Variants in KLHL1 observed in about 807,000 individuals in gnomAD.
KLHL1 encodes kelch like family member 1.
KLHL1 carries 47 observed loss-of-function variants against 77.7 expected under a neutral mutation model. The observed-to-expected ratio is 0.60, with a 90% CI of 0.48 to 0.77. The LOEUF (loss-of-function observed/expected upper bound fraction) is 0.77. Among genes scored for constraint, KLHL1 ranks in the 30% least tolerant of loss-of-function variants. The probability of loss-of-function intolerance (pLI) is 0.00; values close to 1 mark genes in which losing one functional copy is unlikely to be tolerated. For synonymous variants in KLHL1, 360 were observed against 325.2 expected (o/e 1.11, Z -1.15); for missense variants, 925 against 910.8 (o/e 1.02, Z -0.20).
At chr13:69,864,129 C>G (rs1035099046) in intron 5 of KLHL1, among the ~76,000 whole-genome samples, 1 of 151,838 alleles carries the variant, frequency 6.6e-6, no homozygotes, top group African/African-American at 2.4e-5. Flanking sequence ...TAGCATCTAT[C>G]TCTTACTCCG....
At chr13:70,038,581 AT>A (rs55885952) in intron 1 of KLHL1, among the ~76,000 whole-genome samples, 16,403 of 71,854 alleles carry the variant, frequency 0.23, 735 homozygotes, top group Middle Eastern at 0.32. Context: ...ATTGTCATTA[AT>A]TTTTTTTTTT....
intron 3 of KLHL1, among the ~76,000 whole-genome samples, chr13:69,957,046 CAAT>C: frequency 6.6e-6 from 1 of 151,620 alleles, no homozygotes. Context: ...ATGACGCATG[CAAT>C]AACTCCTGAA....
In KLHL1 at chr13:69,809,784, T is replaced by C. The variant is rs188634586; in HGVS notation, c.1415-12822A>G. Among the ~76,000 whole-genome samples the C allele has an allele frequency of 1.5e-3, 233 of 151,816 alleles. 1 individual carries two copies. Among genetic ancestry groups the C allele is most frequent in the Admixed American group, 0.014 (209 of 15,220 alleles). ...TTAAAAAAACAAATAACAAGACCCA[T>C]CCTTCCACTGTCTTCCAGAGACCCA... On this transcript the variant is annotated intron_variant, in intron 6 of 10. Coordinates refer to ENST00000377844, the MANE Select transcript of KLHL1 (RefSeq NM_020866.3).
At chr13:69,977,164 A>G (rs556232759) in intron 1 of KLHL1, among the ~76,000 whole-genome samples, 1 of 152,228 alleles carries the variant, frequency 6.6e-6, no homozygotes, top group South Asian at 2.1e-4. Context: ...AAAGGAAAAA[A>G]ATAGTAGGTT....
At chr13:70,083,060 G>T (rs1401771845) in intron 1 of KLHL1, among the ~76,000 whole-genome samples, 1 of 151,870 alleles carries the variant, frequency 6.6e-6, no homozygotes. Context: ...AAATGAATTT[G>T]GTCTCTAACA....
At chr13:69,889,177 T>C (rs1373512251) in intron 4 of KLHL1, among the ~76,000 whole-genome samples, 2 of 152,078 alleles carry the variant, frequency 1.3e-5, no homozygotes, top group African/African-American at 4.8e-5. Context: ...TGCACTGACA[T>C]ATTGCTGTCA....
At chr13:69,972,962 C>T (rs1023169564) in intron 2 of KLHL1, among the ~76,000 whole-genome samples, 3 of 151,862 alleles carry the variant, frequency 2.0e-5, no homozygotes, top group Admixed American at 6.6e-5. Flanking sequence ...GATTTACATT[C>T]AAATATTTTG....
At chr13:69,818,714 A>G (rs1381123659) in intron 6 of KLHL1, among the ~76,000 whole-genome samples, 2 of 152,122 alleles carry the variant, frequency 1.3e-5, no homozygotes, top group Non-Finnish European at 2.9e-5. Context: ...TTTTATTCAT[A>G]GTTTTGAGTT....
Position 69,918,719 on chromosome 13 carries a change from T to C in KLHL1, c.1014+21321A>G, listed in dbSNP as rs1041295885. Among the ~76,000 whole-genome samples the C allele has an allele frequency of 2.0e-5, 3 of 152,150 alleles. No homozygotes were observed. The East Asian group carries it at 5.8e-4, about 29-fold the overall frequency. On this transcript the variant is annotated intron_variant, in intron 4 of 10. Transcript: ENST00000377844. Reference sequence around the variant, plus strand: ...GTTTCCAATTTTCAACTGTTGCTTTTCACTCCTGTAAAATTTTTCAAATCC... The same window carrying C: ...GTTTCCAATTTTCAACTGTTGCTTTCCACTCCTGTAAAATTTTTCAAATCC...
chr13:69,911,872 C>A (rs1882251260), intron 4 of KLHL1, among the ~76,000 whole-genome samples: 1 of 152,134 alleles, frequency 6.6e-6, no homozygotes, highest in Non-Finnish European at 1.5e-5. Flanking sequence ...TTAGGCTAGA[C>A]AACAACCAAT....
chr13:69,757,691 C>T (rs927644596), intron 7 of KLHL1, among the ~76,000 whole-genome samples: 7 of 152,192 alleles, frequency 4.6e-5, no homozygotes, highest in African/African-American at 1.4e-4. Context: ...GTGGCTTACG[C>T]CTGTAATCCC....
In KLHL1 at chr13:69,833,445, TA is replaced by T. The variant is rs982761063; in HGVS notation, c.1414+5530del. Among the ~76,000 whole-genome samples the T allele has an allele frequency of 7.7e-5, 10 of 129,102 alleles. No homozygotes were observed. In the East Asian group the frequency reaches 8.1e-4, roughly 10 times the overall value. 84.7% of individuals were successfully genotyped at this position (129,102 alleles called of 152,430 possible). A position where few individuals can be genotyped will look rare whatever the true frequency, so the allele number is the denominator to read the frequency against. ...TCCAAGAATGGCTATTGTCAAAAAA[TA>T]AAAAAAAATAGATGTCGACAAGGAT... is the stretch of plus-strand genomic sequence containing the variant. On this transcript the variant is annotated intron_variant, in intron 6 of 10. Transcript: ENST00000377844.
At chr13:70,096,107 G>C (rs960742919) in intron 1 of KLHL1, among the ~76,000 whole-genome samples, 3 of 152,012 alleles carry the variant, frequency 2.0e-5, no homozygotes, top group Non-Finnish European at 2.9e-5. Flanking sequence ...TCAACACTTA[G>C]GGTGATTCCA....
chr13:69,752,224 A>G (rs770833136), intron 7 of KLHL1, among the ~76,000 whole-genome samples: 3 of 152,260 alleles, frequency 2.0e-5, no homozygotes, highest in Non-Finnish European at 2.9e-5. Flanking sequence ...GCTTCAGTCT[A>G]TAGTATCACT....
At chr13:69,970,046 A>G (rs990055749) in intron 2 of KLHL1, among the ~76,000 whole-genome samples, 1 of 152,052 alleles carries the variant, frequency 6.6e-6, no homozygotes, top group Non-Finnish European at 1.5e-5. Flanking sequence ...ATCCCAGCTT[A>G]CCTCTGATTC....
chr13:69,871,265 A>C (rs1223345471), intron 5 of KLHL1, among the ~76,000 whole-genome samples: 2 of 152,092 alleles, frequency 1.3e-5, no homozygotes, highest in Non-Finnish European at 2.9e-5. Flanking sequence ...CAGTACTCCA[A>C]AGTGGCACAG....
At position 69,740,560 on chromosome 13, in the gene KLHL1, A is replaced by G; in HGVS notation, c.1640-4T>C. The G allele has an allele frequency of 6.3e-7, 1 of 1,598,224 alleles. No homozygotes were observed. Among genetic ancestry groups the G allele is most frequent in the Non-Finnish European group, 8.6e-7 (1 of 1,169,174 alleles). ...GGGCCTTCAAGTACTGTTACACCTA[A>G]AATATTAGATAAATGAATGTAGTGC... On this transcript the variant is annotated splice_region_variant and splice_polypyrimidine_tract_variant and intron_variant, in intron 7 of 10. Coordinates refer to ENST00000377844, the MANE Select transcript of KLHL1 (RefSeq NM_020866.3).
intron 1 of KLHL1, among the ~76,000 whole-genome samples, chr13:70,088,854 A>C (rs1887608135): frequency 6.8e-6 from 1 of 146,230 alleles, no homozygotes; most frequent in Admixed American, 6.8e-5. Context: ...CATCAGAAAA[A>C]GAAAAAAAAA....
chr13:70,010,120 T>C (rs917151443), intron 1 of KLHL1, among the ~76,000 whole-genome samples: 3 of 151,972 alleles, frequency 2.0e-5, no homozygotes, highest in Admixed American at 1.3e-4. Context: ...GAGAGTGCAA[T>C]AGAAGATAAA....
Sources: gnomAD v4.1 joint callset for allele counts (sites outside exome capture counted in the v4.1 genomes callset) on GRCh38, gnomAD v4.1.1 for gene constraint, MANE v1.5 for transcripts, NCBI Gene and HGNC (gene_info 2026-07-23, HGNC 2026-07-21) for gene names.